The following CRACR2A variants were observed in gnomAD, a reference collection of about 807,000 sequenced individuals.
CRACR2A encodes the protein EF-hand calcium-binding domain-containing protein 4B.
A neutral mutation model predicts 90.5 loss-of-function variants in CRACR2A; 79 were observed. The observed-to-expected ratio is 0.87, with a 90% CI of 0.73 to 1.05. The LOEUF is 1.05. Ranked by LOEUF, CRACR2A falls within the 50% of genes least tolerant of loss-of-function variation. The pLI is 0.00. For missense variants in CRACR2A, 823 were observed against 897.2 expected (o/e 0.92, Z 1.06); for synonymous variants, 338 against 356.7 (o/e 0.95, Z 0.59).
intron 1 of CRACR2A, among the ~76,000 whole-genome samples, chr12:3,738,562 C>T (rs55677124): frequency 0.16 from 23,883 of 152,054 alleles, 2,076 homozygotes; most frequent in African/African-American, 0.2. Flanking sequence ...AAACTGGAAG[C>T]TGGGTCAATA....
At chr12:3,672,337 A>T (rs2137571901) in intron 7 of CRACR2A, among the ~76,000 whole-genome samples, 1 of 152,352 alleles carries the variant, frequency 6.6e-6, no homozygotes, top group South Asian at 2.1e-4. Flanking sequence ...TTCAGCACAA[A>T]CTCTGAAACT....
At chr12:3,676,084 C>T (rs892606331) in intron 6 of CRACR2A, among the ~76,000 whole-genome samples, 7 of 137,474 alleles carry the variant, frequency 5.1e-5, no homozygotes, top group African/African-American at 1.1e-4. Context: ...TCCAAACATC[C>T]GCGTACTTAT....
intron 2 of CRACR2A, among the ~76,000 whole-genome samples, chr12:3,724,444 C>T (rs572812774): frequency 6.8e-4 from 104 of 152,286 alleles, no homozygotes; most frequent in Non-Finnish European, 1.2e-3. Context: ...CATGCAGTGC[C>T]CCGCGAGACG....
At chr12:3,646,694 G>T (rs573127786) in intron 11 of CRACR2A, among the ~76,000 whole-genome samples, 1 of 152,144 alleles carries the variant, frequency 6.6e-6, no homozygotes. Context: ...TCCTCGCTCC[G>T]CGCGGAGCTG....
rs565975139 is a variant in CRACR2A at position 3,689,341 on chromosome 12, G to A, written c.228+7431C>T. 4.2e-3 allele frequency among the ~76,000 whole-genome samples: 642 copies of A among 152,222 alleles called. 8 individuals are homozygous for A. Among genetic ancestry groups the A allele is most frequent in the African/African-American group, 0.015 (614 of 41,540 alleles). The stretch of plus-strand genomic sequence containing the variant: ...GTTGGCTGTTGGTTTGCCATAGATG[G>A]CTCTTATTATTTTGAGGTATGTTCC... On this transcript the variant is annotated intron_variant, in intron 4 of 19. Coordinates refer to ENST00000440314, the MANE Select transcript of CRACR2A (RefSeq NM_001144958.2).
chr12:3,629,751 C>G (rs1333970365), intron 15 of CRACR2A, among the ~76,000 whole-genome samples: 1 of 151,176 alleles, frequency 6.6e-6, no homozygotes, highest in African/African-American at 2.4e-5. Flanking sequence ...CTGCTGGACA[C>G]GCGACGTGTT....
intron 1 of CRACR2A, chr12:3,752,573 A>G (rs1169298797): frequency 1.3e-5 from 2 of 152,478 alleles, no homozygotes; most frequent in Non-Finnish European, 2.9e-5. Flanking sequence ...GTTTCTCGGC[A>G]TGGCAACAGT....
At chr12:3,739,398 A>G (rs1276265516) in intron 1 of CRACR2A, among the ~76,000 whole-genome samples, 1 of 152,264 alleles carries the variant, frequency 6.6e-6, no homozygotes, top group Non-Finnish European at 1.5e-5. Flanking sequence ...TGCTCCCAGC[A>G]TAGCTTCTGT....
intron 3 of CRACR2A, among the ~76,000 whole-genome samples, chr12:3,703,221 T>A (rs1945861278): frequency 6.6e-6 from 1 of 152,174 alleles, no homozygotes; most frequent in Admixed American, 6.5e-5. Context: ...CCCGAGTACC[T>A]GGGACTACAG....
intron 3 of CRACR2A, among the ~76,000 whole-genome samples, chr12:3,703,737 A>C: frequency 6.6e-6 from 1 of 152,232 alleles, no homozygotes; most frequent in Non-Finnish European, 1.5e-5. Context: ...AAGAAAACAA[A>C]CAACCCACTT....
At chr12:3,628,999 G>A (rs1234063610) in intron 15 of CRACR2A, among the ~76,000 whole-genome samples, 1 of 152,198 alleles carries the variant, frequency 6.6e-6, no homozygotes, top group African/African-American at 2.4e-5. Flanking sequence ...GAGGGCCAGA[G>A]AGGAGTGCAA....
In CRACR2A at chr12:3,663,637, C is replaced by T. The variant is rs545990332; in HGVS notation, c.672-3983G>A. On this transcript the variant is annotated intron_variant, in intron 7 of 19. Coordinates refer to ENST00000440314, the MANE Select transcript of CRACR2A (RefSeq NM_001144958.2). ...TCCCTTCATGCTTCTTCAGATGGGC[C>T]GTAATGATCTTTCTCAAGCCACGGC... Among the ~76,000 whole-genome samples, 6 of 152,300 alleles carry T rather than the reference C, an allele frequency of 3.9e-5. No homozygotes were observed. The South Asian group carries it at 6.2e-4, about 16-fold the overall frequency.
chr12:3,654,466 C>A, intron 9 of CRACR2A, 67 bp from the exon 10 acceptor site: 1 of 1,477,968 alleles, frequency 6.8e-7, no homozygotes, highest in Non-Finnish European at 9.0e-7. Flanking sequence ...CCTGCCCTGG[C>A]CTCACCTTGT....
intron 4 of CRACR2A, 49 bp from the exon 5 acceptor site, chr12:3,680,398 G>A (rs371647110): frequency 4.8e-5 from 73 of 1,529,952 alleles, no homozygotes; most frequent in Non-Finnish European, 6.4e-5. Flanking sequence ...TCACTGGTGG[G>A]GGAGGTGACC....
chr12:3,747,050 C>G (rs1946637590), intron 1 of CRACR2A, among the ~76,000 whole-genome samples: 1 of 152,210 alleles, frequency 6.6e-6, no homozygotes, highest in South Asian at 2.1e-4. Flanking sequence ...AGAGGCTAAT[C>G]CCAAAGACAT....
chr12:3,681,356 G>A (rs1945447713), intron 4 of CRACR2A, among the ~76,000 whole-genome samples: 1 of 152,216 alleles, frequency 6.6e-6, no homozygotes, highest in African/African-American at 2.4e-5. Context: ...ATAGTGTGAG[G>A]AGGTTATCGC....
At chr12:3,646,608 G>A (rs1422281149) in intron 11 of CRACR2A, among the ~76,000 whole-genome samples, 3 of 152,170 alleles carry the variant, frequency 2.0e-5, no homozygotes, top group African/African-American at 4.8e-5. Flanking sequence ...AGGGCCTTCA[G>A]AATAAGTCAG....
chr12:3,676,556 A>G (rs2137593841), intron 6 of CRACR2A, among the ~76,000 whole-genome samples: 1 of 152,268 alleles, frequency 6.6e-6, no homozygotes, highest in African/African-American at 2.4e-5. Context: ...GTGCCCTTAT[A>G]AAAGAGGCCA....
intron 6 of CRACR2A, 101 bp from the exon 7 acceptor site, chr12:3,673,693 C>T: frequency 7.0e-7 from 1 of 1,433,742 alleles, no homozygotes; most frequent in Non-Finnish European, 9.4e-7. Context: ...ACAGTACCGT[C>T]AGAATCATTA....
Sources: allele counts gnomAD v4.1 joint callset (sites outside exome capture counted in the v4.1 genomes callset), GRCh38; gene constraint gnomAD v4.1.1; transcripts MANE v1.5; gene names NCBI Gene and HGNC (gene_info 2026-07-23, HGNC 2026-07-21).